The following PRB4 variants were observed in gnomAD, a reference collection of about 807,000 sequenced individuals.
The protein encoded by PRB4 is basic salivary proline-rich protein 4.
Under a neutral mutation model 9.1 loss-of-function variants are expected in PRB4, and 14 were observed. The ratio of observed to expected loss-of-function variants is 1.54; its 90% CI spans 1.02 to 2.41. The LOEUF is 2.41. Ranked by LOEUF, PRB4 falls within the 30% of genes most tolerant of loss-of-function variation. The pLI is 0.00. For missense variants in PRB4, 381 were observed against 299.3 expected (o/e 1.27, Z -2.02); for synonymous variants, 102 against 108.5 (o/e 0.94, Z 0.37).
Position 11,308,212 on chromosome 12 carries a change from G to T in PRB4, c.*18+9C>A. On this transcript the variant is annotated intron_variant, in intron 3 of 3. Transcript: ENST00000279575. ...TAGAGTCCTGATGAATAATAAAGTG[G>T]AATCATACCTGTCATTGAATCCTAG... The T allele has an allele frequency of 6.2e-7, 1 of 1,604,016 alleles. No individual in the cohort carries two copies. The highest frequency in any genetic ancestry group is 1.3e-5 in the African/African-American group (1 of 74,700).
At chr12:11,308,903 A>T in intron 2 of PRB4, 21 bp from the exon 3 acceptor site, 1 of 1,613,796 alleles carries the variant, frequency 6.2e-7, no homozygotes. Context: ...TGGGGGACAT[A>T]CGGCATTCAC....
At position 11,308,455 on chromosome 12, in the gene PRB4, G is replaced by A; in HGVS notation, c.528C>T (p.Ala176=). The A allele has an allele frequency of 3.1e-6, 5 of 1,613,782 alleles. 1 individual carries two copies. The highest frequency in any genetic ancestry group is 2.2e-5 in the South Asian group (2 of 91,040). The change falls in exon 3 of 4, where the codon GCC becomes GCT. Residue 176 remains alanine (A), a synonymous_variant. Coordinates refer to ENST00000279575, the MANE Select transcript of PRB4 (RefSeq NM_002723.6). ...PPQEGNKSRS[A]RSPPGKPQGP... ...CTTGTGGCTTTCCTGGAGGAGATCG[G>A]GCACTTCGGGACTTGTTTCCTTCCT...
intron 1 of PRB4, 147 bp from the exon 2 acceptor site, chr12:11,309,552 G>C: frequency 6.7e-7 from 1 of 1,487,928 alleles, no homozygotes; most frequent in Non-Finnish European, 9.3e-7. Context: ...GGTGCTGGAA[G>C]GGGTGGAAGG....
At position 11,308,352 on chromosome 12, in the gene PRB4, C is replaced by T. The variant is rs1345823917; in HGVS notation, c.631G>A (p.Gly211Ser). 6.2e-7 allele frequency: 1 copy of T among 1,610,210 alleles called. No homozygotes were observed. The highest frequency in any genetic ancestry group is 8.5e-7 in the Non-Finnish European group (1 of 1,177,220). The change falls in exon 3 of 4, where the codon GGC (glycine) becomes AGC (serine). Residue 211 changes from glycine to serine, a missense_variant. Physicochemically the swap from Gly to Ser is moderately conservative, Grantham distance 56. This residue lies in a region of PRB4 where 204 missense variants were observed against 134.4 expected (regional missense o/e 1.52). Transcript: ENST00000279575. ...GGTGCCTGAGGCTGCTGGGGATTGC[C>T]TCCTGCTGGGGGTGGGCCTTGTGGC... ...GKPQGPPPAG[G>S]NPQQPQAPPA...
rs1863015843 is a variant in PRB4 at position 11,309,988 on chromosome 12, A to T, written c.64+347T>A. Among the ~76,000 whole-genome samples the T allele has an allele frequency of 2.0e-5, 3 of 152,194 alleles. No individual in the cohort carries two copies. In the South Asian group the frequency reaches 6.2e-4, roughly 32 times the overall value. ...TGCCGACTGTCTGTACAGCAAGGCC[A>T]CCATCATCCCTGTGTACTTACTGGG... On this transcript the variant is annotated intron_variant, in intron 1 of 3. Coordinates refer to ENST00000279575, the MANE Select transcript of PRB4 (RefSeq NM_002723.6).
At chr12:11,308,161 C>T in intron 3 of PRB4, 60 bp downstream of exon 3, 6 of 1,538,028 alleles carry the variant, frequency 3.9e-6, no homozygotes, top group Non-Finnish European at 5.3e-6. Flanking sequence ...TTCATTGGCA[C>T]AATAAAGTTG....
rs781180516 is a variant in PRB4 at position 11,308,354 on chromosome 12, C to A, written c.629G>T (p.Gly210Val). 1 of 1,610,042 alleles carries A rather than the reference C, an allele frequency of 6.2e-7. No homozygotes were observed. Among genetic ancestry groups the A allele is most frequent in the East Asian group, 2.2e-5 (1 of 44,854 alleles). The change falls in exon 3 of 4, where the codon GGA becomes GTA. Residue 210 changes from glycine (G) to valine (V), a missense_variant. Gly to Val is a moderately radical substitution (Grantham distance 109). This residue lies in a region of PRB4 where 204 missense variants were observed against 134.4 expected (regional missense o/e 1.52). Transcript: ENST00000279575. The part of the protein sequence containing the change: ...PGKPQGPPPA[G>V]GNPQQPQAPP... ...TGCCTGAGGCTGCTGGGGATTGCCTCCTGCTGGGGGTGGGCCTTGTGGCTT... is the reference window on the plus strand; with the variant it reads ...TGCCTGAGGCTGCTGGGGATTGCCTACTGCTGGGGGTGGGCCTTGTGGCTT...
rs755063968 is a variant in PRB4, at chr12:11,308,486, G to T, written c.497C>A (p.Pro166His). The T allele has an allele frequency of 5.6e-6, 9 of 1,613,812 alleles. No individual in the cohort carries two copies. The highest frequency in any genetic ancestry group is 2.2e-5 in the South Asian group (2 of 91,030). Residue 166 changes from proline to histidine, a missense_variant, in exon 3 of 4, where the codon CCC becomes CAC. Physicochemically the swap from Pro to His is moderately conservative, Grantham distance 77 (BLOSUM62 -2). This residue lies in a region of PRB4 where 204 missense variants were observed against 134.4 expected (regional missense o/e 1.52). Transcript: ENST00000279575. The stretch of plus-strand genomic sequence containing the variant: ...TCGGGACTTGTTTCCTTCCTGTGGG[G>T]GTGGTCCTTCTGGCTTTCCTGGATG... ...PPHPGKPEGPPPQEGNKSRSA... is the reference protein window; with the variant it reads ...PPHPGKPEGPHPQEGNKSRSA...
Position 11,308,764 on chromosome 12 carries a change from A to G in PRB4, c.219T>C (p.Pro73=), listed in dbSNP as rs1592189238. 2 of 1,599,804 alleles carry G rather than the reference A, an allele frequency of 1.3e-6. No individual in the cohort carries two copies. The highest frequency in any genetic ancestry group is 1.1e-5 in the South Asian group (1 of 90,344). The part of the protein sequence containing the change: ...QGGNQSQGPP[P]PPGKPEGRPP... ...GTCGTCCTTCTGGCTTTCCTGGAGG[A>G]GGTGGGGGACCTTGGGACTGGTTTC... Residue 73 remains proline (P), a synonymous_variant, in exon 3 of 4, where the codon CCT becomes CCC. Transcript: ENST00000279575.
At position 11,308,877 on chromosome 12, in the gene PRB4, G is replaced by A. The variant is rs1441510933; in HGVS notation, c.106C>T (p.Pro36Ser). 6.3e-6 allele frequency: 10 copies of A among 1,583,892 alleles called. No homozygotes were observed. Among genetic ancestry groups the A allele is most frequent in the Non-Finnish European group, 8.6e-6 (10 of 1,158,772 alleles). Residue 36 changes from proline (P) to serine (S), a missense_variant, in exon 3 of 4, where the codon CCA becomes TCA. Physicochemically the swap from Pro to Ser is moderately conservative, Grantham distance 74. Around this residue, in one of 3 missense-constraint regions of PRB4, gnomAD observed 151 missense variants for 105.8 expected, o/e 1.43. Coordinates refer to ENST00000279575, the MANE Select transcript of PRB4 (RefSeq NM_002723.6). The part of the protein sequence containing the change: ...EESLFLISGK[P>S]EGRRPQGGNQ... ...CCTCCTTGTGGGCGTCGTCCTTCTG[G>A]CTTTCCTGGAGGAGGTGGGGGACAT...
rs1313816367 is a variant in PRB4, at chr12:11,309,388, A to T, written c.82T>A (p.Ser28Thr). ...GATTTACCTGATATTAGGAAGAGAG[A>T]TTCTTCCTGGCTGACATCTAGAAGA... is the stretch of plus-strand genomic sequence containing the variant. Reference protein sequence around the residue: ...SSSEDVSQEESLFLISGKPEG... With the variant: ...SSSEDVSQEETLFLISGKPEG... The change falls in exon 2 of 4, where the codon TCT (serine) becomes ACT (threonine). Residue 28 changes from serine to threonine, a missense_variant. This residue lies in a region of PRB4 where 151 missense variants were observed against 105.8 expected (regional missense o/e 1.43). Coordinates refer to ENST00000279575, the MANE Select transcript of PRB4 (RefSeq NM_002723.6). 6.2e-7 allele frequency: 1 copy of T among 1,614,146 alleles called. No individual in the cohort carries two copies. Among genetic ancestry groups the T allele is most frequent in the Non-Finnish European group, 8.5e-7 (1 of 1,179,990 alleles).
At chr12:11,307,508 T>C (rs766735565) in intron 3 of PRB4, among the ~76,000 whole-genome samples, 1 of 152,238 alleles carries the variant, frequency 6.6e-6, no homozygotes, top group Non-Finnish European at 1.5e-5. Flanking sequence ...AGATATGTAG[T>C]GACCTTCATA....
chr12:11,309,537 G>A, intron 1 of PRB4, 132 bp from the exon 2 acceptor site: 1 of 1,549,542 alleles, frequency 6.5e-7, no homozygotes, highest in Non-Finnish European at 8.9e-7. Context: ...GCCACCATCT[G>A]TGAAGGTGCT....
At chr12:11,309,501 C>T in intron 1 of PRB4, 96 bp from the exon 2 acceptor site, 1 of 1,606,344 alleles carries the variant, frequency 6.2e-7, no homozygotes, top group Non-Finnish European at 8.5e-7. Context: ...CACCACACCC[C>T]ATGCATCCCC....
rs1280878599 is a variant in PRB4 at position 11,308,306 on chromosome 12, C to A, written c.677G>T (p.Gly226Val). The A allele has an allele frequency of 6.2e-7, 1 of 1,610,020 alleles. No homozygotes were observed. The highest frequency in any genetic ancestry group is 8.5e-7 in the Non-Finnish European group (1 of 1,177,944). Residue 226 changes from glycine to valine, a missense_variant, in exon 3 of 4, where the codon GGG (glycine) becomes GTG (valine). Coordinates refer to ENST00000279575, the MANE Select transcript of PRB4 (RefSeq NM_002723.6). ...GCCCCCTTGAGGAGGTGGAGGTGGC[C>A]CCTGGGGCTTTCCAGCAGGAGGTGC... ...PQAPPAGKPQ[G>V]PPPPPQGGRP...
At position 11,308,222 on chromosome 12, in the gene PRB4, T is replaced by C. The variant is rs1157406346; in HGVS notation, c.*17A>G. The stretch of plus-strand genomic sequence containing the variant: ...ATGAATAATAAAGTGGAATCATACC[T>C]GTCATTGAATCCTAGATTACTGGGG... On this transcript the variant is annotated splice_region_variant and 3_prime_UTR_variant, in exon 3 of 4. Coordinates refer to ENST00000279575, the MANE Select transcript of PRB4 (RefSeq NM_002723.6). 10 of 1,607,058 alleles carry C rather than the reference T, an allele frequency of 6.2e-6. No individual in the cohort carries two copies. Among genetic ancestry groups the C allele is most frequent in the Non-Finnish European group, 7.6e-6 (9 of 1,177,142 alleles).
Position 11,308,277 on chromosome 12 carries a change from G to GC in PRB4, c.705dup (p.Pro236AlafsTer15). 6.2e-7 allele frequency: 1 copy of GC among 1,609,234 alleles called. No homozygotes were observed. Among genetic ancestry groups the GC allele is most frequent in the Non-Finnish European group, 8.5e-7 (1 of 1,177,926 alleles). ...TGTTGTCCCTGGGCAGGTCTGGGTGGCCTGCCCCCTTGAGGAGGTGGAGGT... is the reference window on the plus strand; with the variant it reads ...TGTTGTCCCTGGGCAGGTCTGGGTGGCCCTGCCCCCTTGAGGAGGTGGAGGT... On this transcript the variant is annotated frameshift_variant, in exon 3 of 4. Transcript: ENST00000279575. LOFTEE classifies it low-confidence loss of function (END_TRUNC).
chr12:11,308,813 G>T lies in PRB4; in HGVS notation c.170C>A (p.Pro57Gln). 1 of 1,595,364 alleles carries T rather than the reference G, an allele frequency of 6.3e-7. No homozygotes were observed. The highest frequency in any genetic ancestry group is 8.6e-7 in the Non-Finnish European group (1 of 1,169,260). The change falls in exon 3 of 4, where the codon CCA (proline) becomes CAA (glutamine). Residue 57 changes from proline to glutamine, a missense_variant. Coordinates refer to ENST00000279575, the MANE Select transcript of PRB4 (RefSeq NM_002723.6). ...PQRPPPPPGKPQGPPPQGGNQ... is the reference protein window; with the variant it reads ...PQRPPPPPGKQQGPPPQGGNQ... ...TCCTCCTTGTGGGGGTGGTCCTTGTGGCTTTCCTGGAGGAGGTGGGGGACG... is the reference window on the plus strand; with the variant it reads ...TCCTCCTTGTGGGGGTGGTCCTTGTTGCTTTCCTGGAGGAGGTGGGGGACG...
intron 3 of PRB4, among the ~76,000 whole-genome samples, chr12:11,307,776 C>T (rs756986877): frequency 2.6e-5 from 4 of 152,062 alleles, no homozygotes; most frequent in Non-Finnish European, 2.9e-5. Flanking sequence ...TAATCATGTA[C>T]GTATTGAAAA....
Sources: gnomAD v4.1 joint callset for allele counts (sites outside exome capture counted in the v4.1 genomes callset) on GRCh38, gnomAD v4.1.1 for gene constraint, gnomAD v4.1.1 regional missense constraint, MANE v1.5 for transcripts, NCBI Gene and HGNC (gene_info 2026-07-23, HGNC 2026-07-21) for gene names.